FBXO42: variants seen among roughly 807,000 people sequenced by gnomAD.
FBXO42 encodes F-box protein 42, also known as F-box only protein 42.
A neutral mutation model predicts 71.7 loss-of-function variants in FBXO42; 12 were observed. That is an observed-to-expected ratio of 0.17 (90% CI 0.11 to 0.27). FBXO42 has a LOEUF of 0.27. Among genes scored for constraint, FBXO42 ranks in the 10% least tolerant of loss-of-function variants. FBXO42 has a pLI of 1.00. For synonymous variants in FBXO42, 325 were observed against 327.5 expected (o/e 0.99, Z 0.08); for missense variants, 707 against 911.9 (o/e 0.78, Z 2.89).
At chr1:16,284,380 C>CA (rs1476847473) in intron 4 of FBXO42, among the ~76,000 whole-genome samples, 3 of 152,176 alleles carry the variant, frequency 2.0e-5, no homozygotes, top group Non-Finnish European at 4.4e-5. Flanking sequence ...CATACAGATA[C>CA]ACAATGTTCT....
At chr1:16,266,301 T>C (rs982513487) in intron 4 of FBXO42, among the ~76,000 whole-genome samples, 1 of 149,592 alleles carries the variant, frequency 6.7e-6, no homozygotes, top group Non-Finnish European at 1.5e-5. Context: ...AAAGGAGAAT[T>C]TGAGGAAAAG....
rs868750617 is a variant in FBXO42 at position 16,253,505 on chromosome 1, G to A, written c.864+130C>T. On this transcript the variant is annotated intron_variant, in intron 7 of 9. Transcript: ENST00000375592. ...ATTAGAAGTTGAAAAATAAATACCA[G>A]TAAAAAAGAATGATACATTTTCTTT... 1.1e-5 allele frequency: 8 copies of A among 736,110 alleles called. No homozygotes were observed. In the Middle Eastern group the frequency reaches 1.7e-3, roughly 153 times the overall value. 45.6% of individuals were successfully genotyped at this position (736,110 alleles called of 1,614,324 possible). A position where few individuals can be genotyped will look rare whatever the true frequency, so the allele number is the denominator to read the frequency against.
At chr1:16,260,169 A>C (rs1457559926) in intron 4 of FBXO42, among the ~76,000 whole-genome samples, 5 of 151,692 alleles carry the variant, frequency 3.3e-5, no homozygotes, top group African/African-American at 1.2e-4. Context: ...GGTAATGACT[A>C]ATATTTATTG....
chr1:16,297,143 C>T (rs1038176460), intron 3 of FBXO42, among the ~76,000 whole-genome samples: 17 of 152,152 alleles, frequency 1.1e-4, no homozygotes, highest in Admixed American at 2.6e-4. Context: ...AGGGTTTCAC[C>T]GTGTTGGCCA....
At chr1:16,346,409 C>T (rs931876500) in intron 1 of FBXO42, among the ~76,000 whole-genome samples, 2 of 152,102 alleles carry the variant, frequency 1.3e-5, no homozygotes, top group South Asian at 2.1e-4. Context: ...AATAAGAGAG[C>T]GAGGCGTAGT....
chr1:16,317,465 A>G (rs977522303), intron 1 of FBXO42, among the ~76,000 whole-genome samples: 4 of 151,754 alleles, frequency 2.6e-5, no homozygotes, highest in African/African-American at 4.8e-5. Flanking sequence ...TTGGTGATGC[A>G]TGTGCCTGTA....
chr1:16,348,525 C>T (rs2082672155), intron 1 of FBXO42, among the ~76,000 whole-genome samples: 1 of 150,786 alleles, frequency 6.6e-6, no homozygotes, highest in East Asian at 1.9e-4. Context: ...GGTGAAATCC[C>T]ACCTCTACTA....
At chr1:16,342,048 G>A (rs1376954469) in intron 1 of FBXO42, among the ~76,000 whole-genome samples, 2 of 151,740 alleles carry the variant, frequency 1.3e-5, no homozygotes, top group African/African-American at 2.4e-5. Flanking sequence ...AGTCTGAGGT[G>A]GGTGGATCAC....
chr1:16,317,688 C>A (rs1363929413), intron 1 of FBXO42, among the ~76,000 whole-genome samples: 1 of 151,840 alleles, frequency 6.6e-6, no homozygotes, highest in African/African-American at 2.4e-5. Flanking sequence ...CTTTAGTAAG[C>A]CAAAACAGGA....
chr1:16,296,940 C>A (rs868769246), intron 3 of FBXO42, among the ~76,000 whole-genome samples: 27 of 144,112 alleles, frequency 1.9e-4, no homozygotes, highest in Non-Finnish European at 2.0e-4. Context: ...CCCCACCCCC[C>A]GCTTTTTGTT....
In FBXO42 at chr1:16,252,130, G is replaced by T. The variant is rs1009201180; in HGVS notation, c.1038+158C>A. ...GGGCCCCTGTAAGTTTTCCCATTTA[G>T]TGAGAAATGCCAAAGGAGCTATGGC... On this transcript the variant is annotated intron_variant, in intron 9 of 9. Coordinates refer to ENST00000375592, the MANE Select transcript of FBXO42 (RefSeq NM_018994.3). This position sits in a 1 kb window ranked among gnomAD's most constrained non-coding sequence, Gnocchi z 4.4. 6.6e-6 allele frequency among the ~76,000 whole-genome samples: 1 copy of T among 152,180 alleles called. No homozygotes were observed. The highest frequency in any genetic ancestry group is 1.5e-5 in the Non-Finnish European group (1 of 68,014).
intron 2 of FBXO42, among the ~76,000 whole-genome samples, chr1:16,307,083 G>C (rs2082259018): frequency 6.6e-6 from 1 of 151,966 alleles, no homozygotes; most frequent in Non-Finnish European, 1.5e-5. Flanking sequence ...GTAGAGACAG[G>C]GTTTCACCAC....
intron 6 of FBXO42, 21 bp downstream of exon 6, chr1:16,255,690 G>C: frequency 6.2e-7 from 1 of 1,600,942 alleles, no homozygotes; most frequent in Non-Finnish European, 8.6e-7. Flanking sequence ...GGCTCATATG[G>C]AGCAAACCAA....
At position 16,251,338 on chromosome 1, in the gene FBXO42, T is replaced by G. The variant is rs1182913853; in HGVS notation, c.1486A>C (p.Arg496=). ...RGSLPDQKDL[R]LGSIDLNWDL... ...CAATTCAGATCTATGGATCCTAATC[T>G]CAGATCTTTCTGATCTGGTAGTGAT... The change falls in exon 10 of 10, where the codon AGA becomes CGA. Residue 496 remains arginine, a synonymous_variant. Transcript: ENST00000375592. The surrounding 1 kb of genome is among the most constrained non-coding windows in gnomAD (Gnocchi z 4.5). The G allele has an allele frequency of 6.2e-7, 1 of 1,614,180 alleles. No individual in the cohort carries two copies. Among genetic ancestry groups the G allele is most frequent in the South Asian group, 1.1e-5 (1 of 91,082 alleles).
intron 1 of FBXO42, among the ~76,000 whole-genome samples, chr1:16,323,922 T>A (rs1462136617): frequency 6.6e-6 from 1 of 151,826 alleles, no homozygotes; most frequent in Non-Finnish European, 1.5e-5. Context: ...CTTCTGAGGC[T>A]TTAGGGACAA....
At chr1:16,300,136 T>C (rs562803245) in intron 3 of FBXO42, among the ~76,000 whole-genome samples, 1 of 152,318 alleles carries the variant, frequency 6.6e-6, no homozygotes, top group South Asian at 2.1e-4. Context: ...TCACAAGTTC[T>C]CAACCTAAAT....
chr1:16,312,919 C>T (rs1229124694), intron 2 of FBXO42, among the ~76,000 whole-genome samples: 2 of 151,828 alleles, frequency 1.3e-5, no homozygotes, highest in Non-Finnish European at 1.5e-5. Flanking sequence ...CTCAGCCTCC[C>T]GAGTAGCTAG....
At chr1:16,334,585 C>T (rs2082534506) in intron 1 of FBXO42, among the ~76,000 whole-genome samples, 1 of 152,110 alleles carries the variant, frequency 6.6e-6, no homozygotes, top group Non-Finnish European at 1.5e-5. Context: ...AATTTCACTG[C>T]TTCATGTTTA....
At chr1:16,308,332 C>G (rs1223373186) in intron 2 of FBXO42, among the ~76,000 whole-genome samples, 4 of 152,070 alleles carry the variant, frequency 2.6e-5, no homozygotes, top group Non-Finnish European at 5.9e-5. Context: ...GAAAAGACAG[C>G]CTTTTGCCAG....
Sources: allele counts gnomAD v4.1 joint callset (sites outside exome capture counted in the v4.1 genomes callset), GRCh38; gene constraint gnomAD v4.1.1; non-coding constraint Gnocchi (gnomAD v3.1); transcripts MANE v1.5; gene names NCBI Gene and HGNC (gene_info 2026-07-23, HGNC 2026-07-21).